Variants in PPFIA2 observed in about 807,000 individuals in gnomAD.
PPFIA2 encodes the protein PPFI scaffold protein A2.
Under a neutral mutation model 175.5 loss-of-function variants are expected in PPFIA2, and 46 were observed. The ratio of observed to expected loss-of-function variants is 0.26; its 90% CI spans 0.21 to 0.34. PPFIA2 has a LOEUF of 0.34. Among genes scored for constraint, PPFIA2 ranks in the 10% least tolerant of loss-of-function variants. The pLI is 1.00. For synonymous variants in PPFIA2, 568 were observed against 511.4 expected (o/e 1.11, Z -1.49); for missense variants, 1,179 against 1,506.1 (o/e 0.78, Z 3.60).
chr12:81,591,272 T>G (rs1257437632), intron 4 of PPFIA2, among the ~76,000 whole-genome samples: 2 of 152,180 alleles, frequency 1.3e-5, no homozygotes, highest in African/African-American at 4.8e-5. Flanking sequence ...CAGCAAAACA[T>G]TCAAGAGGTG....
At chr12:81,313,901 C>G (rs2051624469) in intron 22 of PPFIA2, among the ~76,000 whole-genome samples, 1 of 151,666 alleles carries the variant, frequency 6.6e-6, no homozygotes, top group Non-Finnish European at 1.5e-5. Context: ...AAAACTTACA[C>G]AGTATAAATA....
chr12:81,514,053 C>T (rs2062106898), intron 4 of PPFIA2, among the ~76,000 whole-genome samples: 1 of 151,932 alleles, frequency 6.6e-6, no homozygotes, highest in African/African-American at 2.4e-5. Context: ...ACTACATGAG[C>T]AGATTGATTT....
In PPFIA2 at chr12:81,347,622, T is replaced by C; in HGVS notation, c.2143A>G (p.Ser715Gly). 12 of 1,613,820 alleles carry C rather than the reference T, an allele frequency of 7.4e-6. No homozygotes were observed. The highest frequency in any genetic ancestry group is 1.0e-5 in the Non-Finnish European group (12 of 1,179,808). The stretch of plus-strand genomic sequence containing the variant: ...GAGTGTCCACTGGGGGGAGATGAAC[T>C]GGCCAGCGATGAAGCTGTAACAGAG... ...TASVTASSLA[S>G]SSPPSGHSTP... Residue 715 changes from serine to glycine, a missense_variant, in exon 18 of 33, where the codon AGT becomes GGT. By Grantham distance (56) the Ser-to-Gly change is moderately conservative. Coordinates refer to ENST00000549396, the MANE Select transcript of PPFIA2 (RefSeq NM_003625.5).
intron 4 of PPFIA2, among the ~76,000 whole-genome samples, chr12:81,462,585 C>CATATATATATATATAT (rs71098145): frequency 4.0e-5 from 5 of 124,680 alleles, no homozygotes; most frequent in African/African-American, 1.4e-4. Context: ...TATATATATA[C>CATATATATATATATAT]ATATATATAT....
At chr12:81,592,694 C>T (rs1320965485) in intron 4 of PPFIA2, among the ~76,000 whole-genome samples, 2 of 152,152 alleles carry the variant, frequency 1.3e-5, no homozygotes, top group Admixed American at 6.6e-5. Flanking sequence ...TCCTCAGTCA[C>T]AGGGAACTGT....
At chr12:81,347,502 A>T in intron 18 of PPFIA2, 31 bp downstream of exon 18, 1 of 1,530,756 alleles carries the variant, frequency 6.5e-7, no homozygotes, top group Non-Finnish European at 9.1e-7. Context: ...TCTTAACAGG[A>T]GGCAAAGGTT....
chr12:81,370,581 C>A (rs1259435737), intron 11 of PPFIA2, among the ~76,000 whole-genome samples: 2 of 151,860 alleles, frequency 1.3e-5, no homozygotes, highest in Admixed American at 6.6e-5. Context: ...ACTGTTCCTG[C>A]ATTGATTTGT....
chr12:81,432,299 G>A (rs904804525), intron 7 of PPFIA2, among the ~76,000 whole-genome samples: 7 of 151,812 alleles, frequency 4.6e-5, no homozygotes, highest in South Asian at 2.1e-4. Context: ...ATAGGGTCTC[G>A]CTTTGTTGCT....
chr12:81,462,580 A>G (rs982469812), intron 4 of PPFIA2, among the ~76,000 whole-genome samples: 2 of 37,808 alleles, frequency 5.3e-5, no homozygotes, highest in African/African-American at 2.5e-4. Context: ...GTATATATAT[A>G]TATACATATA....
In PPFIA2 at chr12:81,258,317, C is replaced by T. The variant is rs559752202; in HGVS notation, c.*1377G>A. On this transcript the variant is annotated 3_prime_UTR_variant, in exon 33 of 33. Transcript: ENST00000549396. The stretch of plus-strand genomic sequence containing the variant: ...ATGGAAAGGGTTTCTGTTATCATTA[C>T]CTTTTGACTGAATCTGTTAAATAAA... 6.6e-6 allele frequency: 1 copy of T among 152,170 alleles called. No individual in the cohort carries two copies. Among genetic ancestry groups the T allele is most frequent in the Admixed American group, 6.6e-5 (1 of 15,258 alleles). 9.4% of individuals were successfully genotyped at this position (152,170 alleles called of 1,614,324 possible). A position where few individuals can be genotyped will look rare whatever the true frequency, so the allele number is the denominator to read the frequency against.
chr12:81,697,126 CTTAA>C (rs2075986659), intron 3 of PPFIA2, among the ~76,000 whole-genome samples: 1 of 148,964 alleles, frequency 6.7e-6, no homozygotes, highest in African/African-American at 2.5e-5. Flanking sequence ...CTAAATTTTG[CTTAA>C]TTAATATGTT....
At chr12:81,461,353 C>T (rs1231825019) in intron 4 of PPFIA2, among the ~76,000 whole-genome samples, 2 of 152,108 alleles carry the variant, frequency 1.3e-5, no homozygotes, top group Non-Finnish European at 2.9e-5. Flanking sequence ...TTCTGCAACA[C>T]TGCCTCCTTC....
intron 4 of PPFIA2, among the ~76,000 whole-genome samples, chr12:81,645,237 T>G (rs1214356321): frequency 6.6e-6 from 1 of 152,034 alleles, no homozygotes; most frequent in South Asian, 2.1e-4. Context: ...AAGGAACTTT[T>G]AAAAAGAAAT....
intron 4 of PPFIA2, among the ~76,000 whole-genome samples, chr12:81,508,521 CAA>C (rs544893385): frequency 1.3e-4 from 6 of 44,808 alleles, no homozygotes; most frequent in Non-Finnish European, 2.1e-4. Context: ...AATTCCACCT[CAA>C]AAAAAAAAAA....
intron 24 of PPFIA2, among the ~76,000 whole-genome samples, chr12:81,290,948 A>G (rs1416946620): frequency 6.6e-6 from 1 of 151,860 alleles, no homozygotes; most frequent in Non-Finnish European, 1.5e-5. Context: ...TACAAAGGAC[A>G]TATTCAATAA....
intron 4 of PPFIA2, among the ~76,000 whole-genome samples, chr12:81,663,398 GACAA>G (rs1483710301): frequency 2.0e-5 from 3 of 152,068 alleles, no homozygotes; most frequent in African/African-American, 7.2e-5. Context: ...ACCAATAACA[GACAA>G]ACAGAGAGCC....
intron 4 of PPFIA2, among the ~76,000 whole-genome samples, chr12:81,577,411 A>C (rs1203745858): frequency 6.6e-6 from 1 of 151,926 alleles, no homozygotes; most frequent in Admixed American, 6.6e-5. Flanking sequence ...TCCTACTAAG[A>C]AGAAGCCATT....
intron 3 of PPFIA2, among the ~76,000 whole-genome samples, chr12:81,732,156 T>C (rs961582842): frequency 3.3e-5 from 5 of 151,712 alleles, no homozygotes; most frequent in African/African-American, 1.2e-4. Flanking sequence ...TACTTAGAAA[T>C]ACATTCCTTC....
At chr12:81,533,618 T>C (rs918966046) in intron 4 of PPFIA2, among the ~76,000 whole-genome samples, 1 of 151,524 alleles carries the variant, frequency 6.6e-6, no homozygotes, top group Non-Finnish European at 1.5e-5. Context: ...GTTATGAATA[T>C]GTGAACAATG....
Sources: gnomAD v4.1 joint callset for allele counts (sites outside exome capture counted in the v4.1 genomes callset) on GRCh38, gnomAD v4.1.1 for gene constraint, MANE v1.5 for transcripts, NCBI Gene and HGNC (gene_info 2026-07-23, HGNC 2026-07-21) for gene names.